USF2: variants seen among roughly 807,000 people sequenced by gnomAD.
USF2 encodes the protein upstream transcription factor 2, c-fos interacting.
USF2 carries 16 observed loss-of-function variants against 46.9 expected under a neutral mutation model. That is an observed-to-expected ratio of 0.34 (90% confidence interval 0.23 to 0.52). The LOEUF (loss-of-function observed/expected upper bound fraction) is 0.52, where lower values mean the gene tolerates loss of function less well. Ranked by LOEUF, USF2 falls within the 20% of genes least tolerant of loss-of-function variation. USF2 has a pLI of 0.96. For missense variants in USF2, 411 were observed against 474.0 expected, an observed-to-expected ratio of 0.87 and a Z score of 1.23; for synonymous variants, 239 against 194.1, an observed-to-expected ratio of 1.23 and a Z score of -1.92.
chr19:35,273,819 TGAG>T (rs1481220916), intron 7 of USF2, among the ~76,000 whole-genome samples: 1 of 152,224 alleles, frequency 6.6e-6, no homozygotes, highest in Non-Finnish European at 1.5e-5. Flanking sequence ...GCTACAGGCC[TGAG>T]CTGCCACACC....
Position 35,279,714 on chromosome 19 carries a change from G to GGT in USF2, c.*471_*472dup, listed in dbSNP as rs756100496. 35 of 177,826 alleles carry GGT rather than the reference G, an allele frequency of 2.0e-4. No homozygotes were observed. The highest frequency in any genetic ancestry group is 3.6e-4 in the Non-Finnish European group (31 of 85,498). 11.0% of individuals were successfully genotyped at this position (177,826 alleles called of 1,614,324 possible). On this transcript the variant is annotated 3_prime_UTR_variant, in exon 10 of 10. Transcript: ENST00000222305. ...TTCTGGGTCCCTGCTCCCCTTTGGG[G>GGT]GTGTGTGTGTGTGTTTTAATTTTCT...
intron 7 of USF2, among the ~76,000 whole-genome samples, chr19:35,271,353 G>A (rs1481428221): frequency 6.6e-6 from 1 of 152,198 alleles, no homozygotes; most frequent in East Asian, 1.9e-4. Context: ...AATTGGAACT[G>A]GCCATTTGTT....
chr19:35,276,103 G>T (rs1215082597), intron 7 of USF2, among the ~76,000 whole-genome samples: 2 of 117,920 alleles, frequency 1.7e-5, no homozygotes, highest in Admixed American at 1.3e-4. Flanking sequence ...ACAGAGTCTC[G>T]CTCTGTCACC....
At position 35,269,962 on chromosome 19, in the gene USF2, G is replaced by T. The variant is rs1371936328; in HGVS notation, c.388G>T (p.Ala130Ser). The change falls in exon 4 of 10, where the codon GCT (alanine) becomes TCT (serine). Residue 130 changes from alanine to serine, a missense_variant. This residue lies in a region of USF2 where 318 missense variants were observed against 322.4 expected (regional missense o/e 0.99). Transcript: ENST00000222305. ...GGCAGCCCAGCGCCCGGGCCCCGCC[G>T]CTGCCTCTGTGCCCCCAGGTCCTGC... is the stretch of plus-strand genomic sequence containing the variant. Reference protein sequence around the residue: ...DGAAQRPGPAAASVPPGPAAP... With the variant: ...DGAAQRPGPASASVPPGPAAP... 3.0e-6 allele frequency: 4 copies of T among 1,340,312 alleles called. No homozygotes were observed. The African/African-American group carries it at 6.2e-5, about 21-fold the overall frequency. 83.0% of individuals were successfully genotyped at this position (1,340,312 alleles called of 1,614,324 possible). A position where few individuals can be genotyped will look rare whatever the true frequency, so the allele number is the denominator to read the frequency against.
At chr19:35,269,742 G>GCGCC (rs2066118731) in intron 3 of USF2, 43 bp downstream of exon 3, 4 of 1,459,138 alleles carry the variant, frequency 2.7e-6, no homozygotes, top group Admixed American at 2.6e-5. Context: ...GCGGGCGGGC[G>GCGCC]CGCCGGGAAG....
intron 7 of USF2, chr19:35,278,212 G>A (rs1328133912): frequency 6.4e-6 from 1 of 155,430 alleles, no homozygotes; most frequent in Non-Finnish European, 1.4e-5. Context: ...CGGTGCCAGA[G>A]TCTCTGGGGA....
chr19:35,278,583 T>G, intron 7 of USF2, 115 bp from the exon 8 acceptor site: 1 of 1,045,570 alleles, frequency 9.6e-7, no homozygotes, highest in Non-Finnish European at 1.4e-6. Context: ...GGCTGTGGTC[T>G]CGGTGGGGCC....
chr19:35,272,931 C>T (rs1028597802), intron 7 of USF2, among the ~76,000 whole-genome samples: 1 of 151,888 alleles, frequency 6.6e-6, no homozygotes, highest in African/African-American at 2.4e-5. Flanking sequence ...GGTTCTTAAT[C>T]TCCGTACCTG....
Position 35,269,521 on chromosome 19 carries a change from G to T in USF2, c.109+29G>T, listed in dbSNP as rs765517379. The T allele has an allele frequency of 4.5e-6, 7 of 1,540,908 alleles. No homozygotes were observed. In the South Asian group the frequency reaches 7.2e-5, roughly 16 times the overall value. On this transcript the variant is annotated intron_variant, in intron 2 of 9. Coordinates refer to ENST00000222305, the MANE Select transcript of USF2 (RefSeq NM_003367.4). Reference sequence around the variant, plus strand: ...AGTGCTTGCCGGGCCGGCCGCGCCCGGGGAGGGCTGGGGGCGCTCGGCGCG... The same window carrying T: ...AGTGCTTGCCGGGCCGGCCGCGCCCTGGGAGGGCTGGGGGCGCTCGGCGCG...
intron 3 of USF2, 28 bp downstream of exon 3, chr19:35,269,727 G>A (rs1181172188): frequency 1.5e-6 from 1 of 663,252 alleles, no homozygotes; most frequent in Admixed American, 3.5e-5. Flanking sequence ...AGGGCGAACG[G>A]GCGGGCGGGC....
chr19:35,270,337 C>G, intron 4 of USF2, 110 bp from the exon 5 acceptor site: 1 of 1,440,608 alleles, frequency 6.9e-7, no homozygotes, highest in Non-Finnish European at 9.4e-7. Flanking sequence ...AGAAGGAGTC[C>G]CCACTCCTGT....
Position 35,270,154 on chromosome 19 carries a change from C to T in USF2, c.429+151C>T. The T allele has an allele frequency of 2.9e-6, 3 of 1,026,182 alleles. 1 individual carries two copies. The South Asian group carries it at 6.0e-5, about 20-fold the overall frequency. 63.6% of individuals were successfully genotyped at this position (1,026,182 alleles called of 1,614,324 possible). On this transcript the variant is annotated intron_variant, in intron 4 of 9. Transcript: ENST00000222305. ...TGCATGGGGCCAGATCCCTGTTGTG[C>T]ACCGTGAAACCTGGGGACAGTGCTC... is the stretch of plus-strand genomic sequence containing the variant.
chr19:35,279,675 AC>A lies in USF2; in HGVS notation c.*423del. 1 of 200,010 alleles carries A rather than the reference AC, an allele frequency of 5.0e-6. No individual in the cohort carries two copies. The highest frequency in any genetic ancestry group is 1.0e-5 in the Non-Finnish European group (1 of 100,214). 12.4% of individuals were successfully genotyped at this position (200,010 alleles called of 1,614,324 possible). A position where few individuals can be genotyped will look rare whatever the true frequency, so the allele number is the denominator to read the frequency against. ...GACCTATGCAGGGAGGCCACGTCCC[AC>A]CCCACCTCTTGTTTCTGGGTCCCTG... On this transcript the variant is annotated 3_prime_UTR_variant, in exon 10 of 10. Transcript: ENST00000222305.
chr19:35,269,121 G>C lies in USF2; in HGVS notation c.20G>C (p.Gly7Ala), dbSNP rs1173022597. The C allele has an allele frequency of 3.4e-6, 2 of 589,468 alleles. No individual in the cohort carries two copies. The highest frequency in any genetic ancestry group is 4.3e-6 in the Non-Finnish European group (2 of 464,916). 36.5% of individuals were successfully genotyped at this position (589,468 alleles called of 1,614,324 possible). MDMLDPGLDPAASATAA... is the reference protein window; with the variant it reads MDMLDPALDPAASATAA... ...CCCCCCATGGACATGCTGGACCCGG[G>C]TCTGGATCCCGCTGCCTCGGCCACC... Residue 7 changes from glycine (G) to alanine (A), a missense_variant, in exon 1 of 10, where the codon GGT becomes GCT. Around this residue, in one of 2 missense-constraint regions of USF2, gnomAD observed 318 missense variants for 322.4 expected, o/e 0.99. Transcript: ENST00000222305.
In USF2 at chr19:35,279,275, A is replaced by G. The variant is rs2066278664; in HGVS notation, c.*19A>G. ...GCAGTGACGCCCGCCACCACCACGC[A>G]GCCGCCGCCGCCCACGCCGGCCTCT... On this transcript the variant is annotated 3_prime_UTR_variant, in exon 10 of 10. Coordinates refer to ENST00000222305, the MANE Select transcript of USF2 (RefSeq NM_003367.4). The G allele has an allele frequency of 1.3e-6, 2 of 1,485,386 alleles. No individual in the cohort carries two copies. The highest frequency in any genetic ancestry group is 1.4e-5 in the African/African-American group (1 of 71,362). The allele number at this position is 1,485,386 out of a possible 1,614,324, so 92.0% of individuals were successfully genotyped here.
chr19:35,273,848 T>C (rs1261747935), intron 7 of USF2, among the ~76,000 whole-genome samples: 2 of 152,230 alleles, frequency 1.3e-5, no homozygotes, highest in Admixed American at 6.5e-5. Context: ...TTGCTGGTGT[T>C]TCATAAGGTC....
chr19:35,278,477 G>A (rs1159788417), intron 7 of USF2: 2 of 522,588 alleles, frequency 3.8e-6, no homozygotes, highest in East Asian at 3.2e-5. Context: ...CGTCCTAAAA[G>A]CATGTGTGGC....
chr19:35,273,133 C>G (rs1365770867), intron 7 of USF2, among the ~76,000 whole-genome samples: 2 of 152,084 alleles, frequency 1.3e-5, no homozygotes, highest in African/African-American at 4.8e-5. Context: ...AAGCAGTCTT[C>G]ATCACCTGCC....
intron 4 of USF2, 118 bp from the exon 5 acceptor site, chr19:35,270,326 CAGA>C: frequency 5.1e-6 from 7 of 1,381,490 alleles, no homozygotes; most frequent in African/African-American, 1.4e-5. Flanking sequence ...ATGCTACACG[CAGA>C]AGGAGTCCCC....
Sources: gnomAD v4.1 joint callset for allele counts (sites outside exome capture counted in the v4.1 genomes callset) on GRCh38, gnomAD v4.1.1 for gene constraint, gnomAD v4.1.1 regional missense constraint, MANE v1.5 for transcripts, NCBI Gene and HGNC (gene_info 2026-07-23, HGNC 2026-07-21) for gene names.